SKAP2: variants seen among roughly 807,000 people sequenced by gnomAD.
The protein encoded by SKAP2 is src kinase-associated phosphoprotein 2.
Under a neutral mutation model 54.9 loss-of-function variants are expected in SKAP2, and 28 were observed. The observed-to-expected ratio is 0.51, with a 90% CI of 0.38 to 0.70. SKAP2 has a LOEUF of 0.70. Ranked by LOEUF, SKAP2 falls within the 30% of genes least tolerant of loss-of-function variation. The pLI is 0.00. For synonymous variants in SKAP2, 137 were observed against 134.3 expected, an observed-to-expected ratio of 1.02 and a Z score of -0.14; for missense variants, 356 against 424.1, an observed-to-expected ratio of 0.84 and a Z score of 1.41.
intron 2 of SKAP2, among the ~76,000 whole-genome samples, chr7:26,854,447 C>A (rs1290757233): frequency 6.6e-6 from 1 of 151,886 alleles, no homozygotes; most frequent in East Asian, 1.9e-4. Context: ...CAAAAGAATT[C>A]TCTTTCTTCA....
intron 4 of SKAP2, among the ~76,000 whole-genome samples, chr7:26,800,230 C>T (rs1013738888): frequency 6.6e-6 from 1 of 152,108 alleles, no homozygotes; most frequent in African/African-American, 2.4e-5. Flanking sequence ...TTGGAAACTA[C>T]ACAAATGCAT....
chr7:26,782,518 T>C (rs10269731), intron 4 of SKAP2, among the ~76,000 whole-genome samples: 45,481 of 151,976 alleles, frequency 0.3, 7,101 homozygotes, highest in Middle Eastern at 0.37. Flanking sequence ...CCAAGGTTGA[T>C]AGTATTAAGA....
In SKAP2 at chr7:26,717,759, G is replaced by T. The variant is rs189905238; in HGVS notation, c.796+7669C>A. Reference sequence around the variant, plus strand: ...AGGCAGGAAAATCACTTGAACCTCGGGGGTAGAGGTTGCAGGGAGTTGAGA... The same window carrying T: ...AGGCAGGAAAATCACTTGAACCTCGTGGGTAGAGGTTGCAGGGAGTTGAGA... On this transcript the variant is annotated intron_variant, in intron 9 of 12. Coordinates refer to ENST00000345317, the MANE Select transcript of SKAP2 (RefSeq NM_003930.5). Among the ~76,000 whole-genome samples the T allele has an allele frequency of 3.2e-3, 482 of 150,692 alleles. 1 individual carries two copies. The highest frequency in any genetic ancestry group is 5.0e-3 in the Admixed American group (76 of 15,176).
intron 4 of SKAP2, among the ~76,000 whole-genome samples, chr7:26,819,065 T>C (rs1317144496): frequency 6.6e-6 from 1 of 152,182 alleles, no homozygotes. Context: ...AGTAATCCCA[T>C]TACTGGGTAT....
At chr7:26,855,067 A>C (rs761699440) in intron 1 of SKAP2, 177 bp from the exon 2 acceptor site, 31 of 449,034 alleles carry the variant, frequency 6.9e-5, no homozygotes, top group Non-Finnish European at 9.8e-5. Flanking sequence ...AAGTTGAACA[A>C]ATCTGATCAC....
intron 6 of SKAP2, among the ~76,000 whole-genome samples, chr7:26,728,375 A>G (rs1249066713): frequency 1.3e-5 from 2 of 152,180 alleles, no homozygotes; most frequent in Non-Finnish European, 2.9e-5. Context: ...TTACATAGTA[A>G]TTAAACTTCT....
At chr7:26,665,564 T>C (rs1338933817), downstream of SKAP2, among the ~76,000 whole-genome samples, 2 of 152,166 alleles carry the variant, frequency 1.3e-5, no homozygotes, top group African/African-American at 4.8e-5. Context: ...ATGTGTACCA[T>C]GCTGGCAATA....
chr7:26,731,088 G>A (rs1031983109), intron 6 of SKAP2, among the ~76,000 whole-genome samples: 1 of 152,154 alleles, frequency 6.6e-6, no homozygotes, highest in Non-Finnish European at 1.5e-5. Context: ...TGGTTCTAAA[G>A]CCTTGCTTTT....
intron 3 of SKAP2, among the ~76,000 whole-genome samples, chr7:26,846,660 T>C (rs1323558182): frequency 6.6e-6 from 1 of 152,208 alleles, no homozygotes; most frequent in African/African-American, 2.4e-5. Flanking sequence ...TTTTGACTTT[T>C]ATAGAAAGTC....
At chr7:26,698,103 A>G (rs1298219838) in intron 9 of SKAP2, among the ~76,000 whole-genome samples, 1 of 152,196 alleles carries the variant, frequency 6.6e-6, no homozygotes, top group Non-Finnish European at 1.5e-5. Flanking sequence ...TAACCTCTGG[A>G]AAAACAGCTG....
intron 4 of SKAP2, among the ~76,000 whole-genome samples, chr7:26,787,321 G>GTT (rs57866747): frequency 2.0e-4 from 29 of 147,726 alleles, no homozygotes; most frequent in Admixed American, 1.1e-3. Context: ...CCTCAAGATG[G>GTT]TTTTTTTTTT....
In SKAP2 at chr7:26,690,339, C is replaced by G; in HGVS notation, c.820G>C (p.Val274Leu). 1 of 1,611,438 alleles carries G rather than the reference C, an allele frequency of 6.2e-7. No homozygotes were observed. The highest frequency in any genetic ancestry group is 8.5e-7 in the Non-Finnish European group (1 of 1,177,548). Residue 274 changes from valine (V) to leucine (L), a missense_variant, in exon 10 of 13, where the codon GTG (valine) becomes CTG (leucine). By Grantham distance (32) the Val-to-Leu change is conservative. Coordinates refer to ENST00000345317, the MANE Select transcript of SKAP2 (RefSeq NM_003930.5). ...ATCTTCCTTTGTTCTTCCACTTTCA[C>G]TGGAGCACTGTCCTCTTCTTCTTCT... Reference protein sequence around the residue: ...LPEEEEDSAPVKVEEQRKMSQ... With the variant: ...LPEEEEDSAPLKVEEQRKMSQ...
chr7:26,726,972 G>A lies in SKAP2; in HGVS notation c.504C>T (p.Gly168=). The A allele has an allele frequency of 6.2e-7, 1 of 1,602,824 alleles. No individual in the cohort carries two copies. Among genetic ancestry groups the A allele is most frequent in the Non-Finnish European group, 8.5e-7 (1 of 1,174,872 alleles). Residue 168 remains glycine, a synonymous_variant, in exon 7 of 13, where the codon GGC becomes GGT. Coordinates refer to ENST00000345317, the MANE Select transcript of SKAP2 (RefSeq NM_003930.5). ...KQQKGEFAID[G]YSVRMNNTLR... ...GAGTGTTATTCATTCTGACACTGTA[G>A]CCATCTATTGCAAATTCACCTTTCT... is the stretch of plus-strand genomic sequence containing the variant.
intron 4 of SKAP2, 106 bp downstream of exon 4, chr7:26,843,924 G>A (rs1784867286): frequency 1.4e-6 from 1 of 690,314 alleles, no homozygotes; most frequent in African/African-American, 1.8e-5. Flanking sequence ...GTAAAGGTAA[G>A]TTAACCGAAG....
chr7:26,831,656 T>C (rs1178911159), intron 4 of SKAP2, among the ~76,000 whole-genome samples: 1 of 152,180 alleles, frequency 6.6e-6, no homozygotes. Context: ...CCATAGGTTA[T>C]AGATACTATT....
intron 3 of SKAP2, chr7:26,847,952 C>T (rs778701364): frequency 7.2e-5 from 11 of 152,212 alleles, no homozygotes; most frequent in Admixed American, 2.6e-4. Flanking sequence ...GTTTAATTAA[C>T]GATACAAAGT....
chr7:26,805,919 C>T lies in SKAP2; in HGVS notation c.307+38111G>A, dbSNP rs552957137. On this transcript the variant is annotated intron_variant, in intron 4 of 12. Transcript: ENST00000345317. ...TGGCAACTCTGTCGAGAAAGTCTAT[C>T]GGCACCATTTTTCCAACAGCATGTG... Among the ~76,000 whole-genome samples the T allele has an allele frequency of 3.3e-5, 5 of 152,276 alleles. No homozygotes were observed. The East Asian group carries it at 7.7e-4, about 23-fold the overall frequency.
Position 26,864,483 on chromosome 7 carries a change from C to T in SKAP2, c.-54G>A, listed in dbSNP as rs1165721865. On this transcript the variant is annotated 5_prime_UTR_variant, in exon 1 of 13. Transcript: ENST00000345317. ...GGACCTGCGCTGAAAAGGTGACCGA[C>T]GGGGTGGGGCTGCGGCTGCGACCTA... 22 of 1,545,984 alleles carry T rather than the reference C, an allele frequency of 1.4e-5. No homozygotes were observed. The East Asian group carries it at 4.7e-4, about 33-fold the overall frequency.
intron 4 of SKAP2, among the ~76,000 whole-genome samples, chr7:26,790,604 C>G (rs772953710): frequency 8.7e-4 from 132 of 152,174 alleles, no homozygotes; most frequent in Non-Finnish European, 1.1e-3. Context: ...TAAGAACATT[C>G]ATATGTTGGT....
Sources: allele counts gnomAD v4.1 joint callset (sites outside exome capture counted in the v4.1 genomes callset), GRCh38; gene constraint gnomAD v4.1.1; transcripts MANE v1.5; gene names NCBI Gene and HGNC (gene_info 2026-07-23, HGNC 2026-07-21).